RAD51C: variants seen among roughly 807,000 people sequenced by gnomAD.
RAD51C encodes the protein DNA repair protein RAD51 homolog 3.
RAD51C carries 42 observed loss-of-function variants against 45.0 expected under a neutral mutation model. The observed-to-expected ratio is 0.93, with a 90% CI of 0.73 to 1.21. The LOEUF (loss-of-function observed/expected upper bound fraction) is 1.21. Among genes scored for constraint, RAD51C ranks in the 50% most tolerant of loss-of-function variants. RAD51C has a pLI of 0.00. For missense variants in RAD51C, 474 were observed against 452.2 expected, an observed-to-expected ratio of 1.05 and a Z score of -0.44; for synonymous variants, 172 against 159.8, an observed-to-expected ratio of 1.08 and a Z score of -0.58.
At chr17:58,721,186 G>A (rs1462584165) in intron 6 of RAD51C, among the ~76,000 whole-genome samples, 1 of 152,138 alleles carries the variant, frequency 6.6e-6, no homozygotes, top group Non-Finnish European at 1.5e-5. Context: ...GGAGGCTGAG[G>A]AGTGAGAATT....
At chr17:58,698,173 A>T (rs1188367483) in intron 3 of RAD51C, among the ~76,000 whole-genome samples, 1 of 143,506 alleles carries the variant, frequency 7.0e-6, no homozygotes, top group African/African-American at 2.6e-5. Context: ...TACCATGCCC[A>T]GCTAATTTTT....
chr17:58,720,241 G>A (rs1050872842), intron 5 of RAD51C, among the ~76,000 whole-genome samples: 4 of 150,058 alleles, frequency 2.7e-5, no homozygotes, highest in South Asian at 2.1e-4. Flanking sequence ...GTGAAACCCC[G>A]TCTCTACTGA....
chr17:58,727,408 G>C (rs1351781853), intron 7 of RAD51C, among the ~76,000 whole-genome samples: 2 of 152,194 alleles, frequency 1.3e-5, no homozygotes, highest in African/African-American at 4.8e-5. Context: ...ACAGGCATGA[G>C]CCACCGCACT....
At chr17:58,699,507 A>G (rs1420264918) in intron 3 of RAD51C, among the ~76,000 whole-genome samples, 1 of 152,124 alleles carries the variant, frequency 6.6e-6, no homozygotes, top group Non-Finnish European at 1.5e-5. Flanking sequence ...ATGGTTACTG[A>G]AAGCCCTTTG....
chr17:58,720,546 C>T (rs963103484), intron 5 of RAD51C, among the ~76,000 whole-genome samples, 200 bp from the exon 6 acceptor site: 2 of 152,130 alleles, frequency 1.3e-5, no homozygotes, highest in African/African-American at 2.4e-5. Context: ...TCTTGGCTCA[C>T]TGCAACCTCT....
chr17:58,705,014 CCA>C (rs2048331266), intron 4 of RAD51C, among the ~76,000 whole-genome samples: 1 of 151,618 alleles, frequency 6.6e-6, no homozygotes, highest in Non-Finnish European at 1.5e-5. Context: ...ACCTGTGATC[CCA>C]GCTACTTGGG....
At chr17:58,705,245 T>G (rs1028323018) in intron 4 of RAD51C, among the ~76,000 whole-genome samples, 1 of 152,134 alleles carries the variant, frequency 6.6e-6, no homozygotes, top group African/African-American at 2.4e-5. Context: ...GGCAAGGGCT[T>G]TCTTCCTGGC....
chr17:58,712,968 A>T lies in RAD51C; in HGVS notation c.837+2978A>T, dbSNP rs537258347. Reference sequence around the variant, plus strand: ...TGAGACTTCATCGCTACAAATTTTTAAAAAAATCTTAGCCAAGCATAGTGG... The same window carrying T: ...TGAGACTTCATCGCTACAAATTTTTTAAAAAATCTTAGCCAAGCATAGTGG... On this transcript the variant is annotated intron_variant, in intron 5 of 8. Coordinates refer to ENST00000337432, the MANE Select transcript of RAD51C (RefSeq NM_058216.3). 1.7e-4 allele frequency among the ~76,000 whole-genome samples: 26 copies of T among 152,228 alleles called. No individual in the cohort carries two copies. The South Asian group carries it at 2.1e-3, about 12-fold the overall frequency.
At chr17:58,703,054 A>G in intron 3 of RAD51C, 142 bp from the exon 4 acceptor site, 2 of 871,754 alleles carry the variant, frequency 2.3e-6, no homozygotes, top group Non-Finnish European at 3.6e-6. Context: ...GTTTATAGTA[A>G]TTTTGCTATA....
intron 5 of RAD51C, among the ~76,000 whole-genome samples, chr17:58,719,729 ATT>A (rs35062854): frequency 8.1e-5 from 11 of 135,728 alleles, no homozygotes; most frequent in Non-Finnish European, 9.5e-5. Context: ...TGGATTTTTA[ATT>A]TTTTTTTTTT....
At chr17:58,705,344 T>TGGG (rs141805941) in intron 4 of RAD51C, among the ~76,000 whole-genome samples, 9 of 134,182 alleles carry the variant, frequency 6.7e-5, no homozygotes, top group African/African-American at 1.4e-4. Flanking sequence ...TTCTTTTTTT[T>TGGG]GGGGGGGGGG....
At chr17:58,720,409 C>G (rs749486426) in intron 5 of RAD51C, among the ~76,000 whole-genome samples, 1 of 143,332 alleles carries the variant, frequency 7.0e-6, no homozygotes, top group Non-Finnish European at 1.6e-5. Context: ...GAGCGAGACT[C>G]TGTCTCAAAA....
At chr17:58,692,599 G>A (rs542951292), upstream of RAD51C, 8 of 1,612,048 alleles carry the variant, frequency 5.0e-6, no homozygotes, top group South Asian at 8.8e-5. Flanking sequence ...CCCCAGCGAG[G>A]GCGTGCGGAG....
At chr17:58,693,089 A>T (rs1252287307) in intron 1 of RAD51C, 4 of 374,494 alleles carry the variant, frequency 1.1e-5, no homozygotes, top group Non-Finnish European at 2.0e-5. Context: ...CAGTATATGG[A>T]TGAGAGAACT....
intron 4 of RAD51C, 93 bp downstream of exon 4, chr17:58,703,422 A>G: frequency 7.2e-7 from 1 of 1,394,994 alleles, no homozygotes; most frequent in South Asian, 1.2e-5. Flanking sequence ...GCATAAAATC[A>G]AAGTCAAAGC....
chr17:58,695,189 G>A lies in RAD51C; in HGVS notation c.404G>A (p.Cys135Tyr), dbSNP rs767796996. 1.2e-6 allele frequency: 2 copies of A among 1,609,470 alleles called. No individual in the cohort carries two copies. Among genetic ancestry groups the A allele is most frequent in the Non-Finnish European group, 1.7e-6 (2 of 1,177,380 alleles). ...GAPGVGKTQLCMQLAVDVQIP... is the reference protein window; with the variant it reads ...GAPGVGKTQLYMQLAVDVQIP... ...CCAGGTGTTGGAAAAACACAATTAT[G>A]GTAAAATAAAGTGTTCTCCTTTTAA... The change falls in exon 2 of 9, where the codon TGT becomes TAT. Residue 135 changes from cysteine to tyrosine, a missense_variant and splice_region_variant. By Grantham distance (194) the Cys-to-Tyr change is radical. Transcript: ENST00000337432.
chr17:58,707,651 T>A (rs911042392), intron 4 of RAD51C, among the ~76,000 whole-genome samples: 2 of 152,206 alleles, frequency 1.3e-5, no homozygotes, highest in African/African-American at 2.4e-5. Flanking sequence ...TTTGTTATAG[T>A]AGTACCTTGC....
intron 4 of RAD51C, 55 bp from the exon 5 acceptor site, chr17:58,709,804 A>T (rs2143848849): frequency 2.0e-6 from 3 of 1,495,118 alleles, no homozygotes; most frequent in East Asian, 2.3e-5. Context: ...GAGCATTTTT[A>T]TTATTATTAT....
intron 6 of RAD51C, among the ~76,000 whole-genome samples, chr17:58,722,069 CTA>C (rs529838485): frequency 6.5e-4 from 99 of 152,224 alleles, no homozygotes; most frequent in African/African-American, 2.2e-3. Context: ...CCTCAGCACA[CTA>C]TGATAAATCA....
Sources: gnomAD v4.1 joint callset for allele counts (sites outside exome capture counted in the v4.1 genomes callset) on GRCh38, gnomAD v4.1.1 for gene constraint, MANE v1.5 for transcripts, NCBI Gene and HGNC (gene_info 2026-07-23, HGNC 2026-07-21) for gene names.